Variants in TMEM222 observed in about 807,000 individuals in gnomAD.
TMEM222 encodes the protein transmembrane protein 222.
TMEM222 carries 18 observed loss-of-function variants against 25.1 expected under a neutral mutation model. That is an observed-to-expected ratio of 0.72 (90% CI 0.50 to 1.06). TMEM222 has a LOEUF of 1.06. Among genes scored for constraint, TMEM222 ranks in the 50% least tolerant of loss-of-function variants. The probability of loss-of-function intolerance (pLI) is 0.00; values close to 1 mark genes in which losing one functional copy is unlikely to be tolerated. For synonymous variants in TMEM222, 131 were observed against 117.9 expected, an observed-to-expected ratio of 1.11 and a Z score of -0.72; for missense variants, 296 against 293.7, an observed-to-expected ratio of 1.01 and a Z score of -0.06.
intron 1 of TMEM222, among the ~76,000 whole-genome samples, chr1:27,326,424 T>C (rs959829836): frequency 1.3e-5 from 2 of 152,158 alleles, no homozygotes; most frequent in African/African-American, 2.4e-5. Context: ...CTCGATTCTT[T>C]AAGGAGATGA....
intron 1 of TMEM222, among the ~76,000 whole-genome samples, chr1:27,322,692 A>G (rs1263640975): frequency 6.6e-6 from 1 of 152,204 alleles, no homozygotes; most frequent in Non-Finnish European, 1.5e-5. Context: ...CCCTTATCGG[A>G]TCTGAGGAGA....
At chr1:27,325,598 C>T (rs1174920314) in intron 1 of TMEM222, 9 of 960,258 alleles carry the variant, frequency 9.4e-6, no homozygotes, top group African/African-American at 6.4e-5. Flanking sequence ...CGGGCATCAC[C>T]GACAGGATGC....
chr1:27,333,671 T>C, intron 3 of TMEM222: 1 of 460,634 alleles, frequency 2.2e-6, no homozygotes, highest in East Asian at 4.3e-5. Context: ...CACCTCCTCA[T>C]ACCATCACCT....
rs1249540292 is a variant in TMEM222, at chr1:27,335,523, T to A, written c.*57T>A. ...TCCCGAGGAAACAGCCGCCATCCCT[T>A]TTGGTTCCAGATTTTTTTCTCCTCA... On this transcript the variant is annotated 3_prime_UTR_variant, in exon 6 of 6. Coordinates refer to ENST00000374076, the MANE Select transcript of TMEM222 (RefSeq NM_032125.3). 1.0e-5 allele frequency: 16 copies of A among 1,577,342 alleles called. No individual in the cohort carries two copies. Among genetic ancestry groups the A allele is most frequent in the Non-Finnish European group, 1.4e-5 (16 of 1,148,498 alleles).
rs547218963 is a variant in TMEM222 at position 27,325,899 on chromosome 1, G to T, written c.194+3508G>T. ...ACCTCATGCTAGCCTCACGAAAATG[G>T]AATAAGCCTTCGAAAAGAAATTGTC... On this transcript the variant is annotated intron_variant, in intron 1 of 5. Coordinates refer to ENST00000374076, the MANE Select transcript of TMEM222 (RefSeq NM_032125.3). 9.4e-4 allele frequency: 683 copies of T among 725,576 alleles called. 2 individuals carry two copies. Among genetic ancestry groups the T allele is most frequent in the Non-Finnish European group, 1.4e-3 (546 of 391,546 alleles). 44.9% of individuals were successfully genotyped at this position (725,576 alleles called of 1,614,324 possible).
intron 1 of TMEM222, among the ~76,000 whole-genome samples, chr1:27,324,062 A>C (rs1478999714): frequency 6.6e-6 from 1 of 152,246 alleles, no homozygotes; most frequent in African/African-American, 2.4e-5. Flanking sequence ...GTGGTGGCTC[A>C]GGCCTGTAAT....
intron 2 of TMEM222, 119 bp from the exon 3 acceptor site, chr1:27,331,951 T>TG: frequency 2.4e-6 from 2 of 840,336 alleles, no homozygotes; most frequent in Non-Finnish European, 2.0e-6. Flanking sequence ...GCCCCACTTC[T>TG]GGCCCCCCCA....
At chr1:27,330,265 T>G (rs1444844054) in intron 1 of TMEM222, among the ~76,000 whole-genome samples, 3 of 151,570 alleles carry the variant, frequency 2.0e-5, no homozygotes, top group Non-Finnish European at 2.9e-5. Context: ...GGCGTGGTGG[T>G]GCACACCTGT....
rs1169602698 is a variant in TMEM222 at position 27,336,124 on chromosome 1, T to C, written c.*658T>C. ...TGCAGTTTGAGGCCAGAGAGGTGAG[T>C]GGACCTGACAAGTGCCAGAGTAACC... is the stretch of plus-strand genomic sequence containing the variant. On this transcript the variant is annotated 3_prime_UTR_variant, in exon 6 of 6. Coordinates refer to ENST00000374076, the MANE Select transcript of TMEM222 (RefSeq NM_032125.3). 6.5e-6 allele frequency: 1 copy of C among 154,470 alleles called. No individual in the cohort carries two copies. The highest frequency in any genetic ancestry group is 2.4e-5 in the African/African-American group (1 of 41,436). The allele number at this position is 154,470 out of a possible 1,614,324, so 9.6% of individuals were successfully genotyped here.
chr1:27,330,894 A>G (rs1347372487), intron 2 of TMEM222, 90 bp downstream of exon 2: 3 of 1,590,628 alleles, frequency 1.9e-6, no homozygotes, highest in Admixed American at 1.7e-5. Flanking sequence ...GTCTCCCCAG[A>G]CCCAGGAGAA....
intron 1 of TMEM222, among the ~76,000 whole-genome samples, chr1:27,328,309 C>T (rs2014401603): frequency 6.6e-6 from 1 of 152,084 alleles, no homozygotes; most frequent in African/African-American, 2.4e-5. Flanking sequence ...AGGCCACAAG[C>T]AGGCAGTGTA....
rs1442382949 is a variant in TMEM222 at position 27,322,203 on chromosome 1, G to A, written c.6G>A (p.Ala2=). Residue 2 remains alanine, a synonymous_variant, in exon 1 of 6, where the codon GCG becomes GCA. Coordinates refer to ENST00000374076, the MANE Select transcript of TMEM222 (RefSeq NM_032125.3). ...CGGAGCGGGGCGCGCGCCGCATGGC[G>A]GAAGCGGAAGGGAGTTCTCTGCTCT... M[A]EAEGSSLLLL... The A allele has an allele frequency of 1.4e-6, 2 of 1,397,786 alleles. No individual in the cohort carries two copies. Among genetic ancestry groups the A allele is most frequent in the Non-Finnish European group, 1.9e-6 (2 of 1,065,560 alleles). 86.6% of individuals were successfully genotyped at this position (1,397,786 alleles called of 1,614,324 possible).
chr1:27,329,534 G>A (rs1241791115), intron 1 of TMEM222, among the ~76,000 whole-genome samples: 1 of 150,090 alleles, frequency 6.7e-6, no homozygotes, highest in African/African-American at 2.5e-5. Flanking sequence ...TGTGTTGTGT[G>A]TAGCAGAAGT....
chr1:27,333,954 C>T lies in TMEM222; in HGVS notation c.312-4C>T, dbSNP rs376367863. On this transcript the variant is annotated splice_polypyrimidine_tract_variant and splice_region_variant and intron_variant, in intron 3 of 5. Coordinates refer to ENST00000374076, the MANE Select transcript of TMEM222 (RefSeq NM_032125.3). ...AAGTGTCCAGAGCCCTTCTCTCCCC[C>T]CAGGTACTGGAAGTTGGACCCTGCT... 1.2e-6 allele frequency: 2 copies of T among 1,613,418 alleles called. No individual in the cohort carries two copies. The highest frequency in any genetic ancestry group is 8.5e-7 in the Non-Finnish European group (1 of 1,179,538).
Position 27,330,787 on chromosome 1 carries a change from G to A in TMEM222, c.262G>A (p.Gly88Ser). 1 of 1,614,168 alleles carries A rather than the reference G, an allele frequency of 6.2e-7. No individual in the cohort carries two copies. The highest frequency in any genetic ancestry group is 8.5e-7 in the Non-Finnish European group (1 of 1,180,044). The change falls in exon 2 of 6, where the codon GGC becomes AGC. Residue 88 changes from glycine (G) to serine (S), a missense_variant. Gly to Ser is a moderately conservative substitution (Grantham distance 56, BLOSUM62 0). Transcript: ENST00000374076. ...TSTGVIRDFA[G>S]PYFVSEDNMA... The stretch of plus-strand genomic sequence containing the variant: ...CACAGGAGTCATTCGGGACTTCGCG[G>A]GCCCCTACTTTGTCTCAGTGAGTCC...
chr1:27,322,466 G>A (rs1033816741), intron 1 of TMEM222, 75 bp downstream of exon 1: 1 of 1,285,246 alleles, frequency 7.8e-7, no homozygotes, highest in African/African-American at 1.6e-5. Flanking sequence ...GCTAGCCTCC[G>A]GCCCCAACGC....
intron 5 of TMEM222, 146 bp downstream of exon 5, chr1:27,334,427 G>A (rs773654526): frequency 3.4e-5 from 46 of 1,352,034 alleles, no homozygotes; most frequent in Non-Finnish European, 4.4e-5. Flanking sequence ...CTAGAGTGAC[G>A]AGCTGAGGGC....
chr1:27,332,202 T>TA lies in TMEM222; in HGVS notation c.311+102dup, dbSNP rs1171147099. On this transcript the variant is annotated intron_variant, in intron 3 of 5. Transcript: ENST00000374076. ...ACAGGAGGGGCCAGCACCCTGAGAA[T>TA]AGAGTATTTGGGGTCGGGGGAGAGG... The TA allele has an allele frequency of 2.1e-6, 3 of 1,421,726 alleles. No homozygotes were observed. In the East Asian group the frequency reaches 6.8e-5, roughly 32 times the overall value. 88.1% of individuals were successfully genotyped at this position (1,421,726 alleles called of 1,614,324 possible).
intron 1 of TMEM222, among the ~76,000 whole-genome samples, chr1:27,327,192 G>A (rs951263626): frequency 1.3e-5 from 2 of 152,010 alleles, no homozygotes; most frequent in African/African-American, 2.4e-5. Context: ...GCTGCCAAGC[G>A]GAAGGCAGAG....
Sources: gnomAD v4.1 joint callset for allele counts (sites outside exome capture counted in the v4.1 genomes callset) on GRCh38, gnomAD v4.1.1 for gene constraint, MANE v1.5 for transcripts, NCBI Gene and HGNC (gene_info 2026-07-23, HGNC 2026-07-21) for gene names.